Variants in CAMSAP2 observed in about 807,000 individuals in gnomAD.
The protein encoded by CAMSAP2 is calmodulin-regulated spectrin-associated protein 2.
Under a neutral mutation model 146.1 loss-of-function variants are expected in CAMSAP2, and 26 were observed. That is an observed-to-expected ratio of 0.18 (90% CI 0.13 to 0.25). The LOEUF (loss-of-function observed/expected upper bound fraction) is 0.25, where lower values mean the gene tolerates loss of function less well. Ranked by LOEUF, CAMSAP2 falls within the 10% of genes least tolerant of loss-of-function variation. CAMSAP2 has a pLI of 1.00. For synonymous variants in CAMSAP2, 499 were observed against 596.6 expected (o/e 0.84, Z 2.38); for missense variants, 1,381 against 1,759.3 (o/e 0.78, Z 3.85).
intron 6 of CAMSAP2, among the ~76,000 whole-genome samples, chr1:200,837,834 A>C (rs907426405): frequency 6.6e-6 from 1 of 152,000 alleles, no homozygotes; most frequent in African/African-American, 2.4e-5. Context: ...TTTTTGTGCC[A>C]GTTGTGAATG....
intron 2 of CAMSAP2, among the ~76,000 whole-genome samples, chr1:200,803,488 A>G (rs558170934): frequency 6.6e-6 from 1 of 152,192 alleles, no homozygotes; most frequent in Non-Finnish European, 1.5e-5. Flanking sequence ...TGGAGCTATC[A>G]TAGCTCCAAA....
intron 2 of CAMSAP2, among the ~76,000 whole-genome samples, chr1:200,762,527 A>C (rs1004244527): frequency 7.2e-5 from 11 of 152,190 alleles, no homozygotes; most frequent in African/African-American, 2.7e-4. Flanking sequence ...TGGACACTCC[A>C]GCTTGTGATT....
chr1:200,772,436 C>A (rs1040653241), intron 2 of CAMSAP2, among the ~76,000 whole-genome samples: 3 of 152,070 alleles, frequency 2.0e-5, no homozygotes, highest in East Asian at 1.9e-4. Flanking sequence ...TGGCGAAACC[C>A]CGTCTTTACT....
chr1:200,839,033 A>T (rs1271091014), intron 6 of CAMSAP2, among the ~76,000 whole-genome samples: 1 of 152,210 alleles, frequency 6.6e-6, no homozygotes, highest in Non-Finnish European at 1.5e-5. Context: ...AATTTTGGAC[A>T]TAGGCCTTTG....
At chr1:200,787,954 G>GT (rs1665640264) in intron 2 of CAMSAP2, among the ~76,000 whole-genome samples, 1 of 152,092 alleles carries the variant, frequency 6.6e-6, no homozygotes, top group Non-Finnish European at 1.5e-5. Context: ...AGGTACATTG[G>GT]TTTTTTAGAC....
intron 2 of CAMSAP2, among the ~76,000 whole-genome samples, chr1:200,770,337 C>G (rs114203300): frequency 0.015 from 2,215 of 152,246 alleles, 34 homozygotes; most frequent in Non-Finnish European, 0.023. Context: ...TTTAAACTTG[C>G]ATCTGCTGAT....
Position 200,850,054 on chromosome 1 carries a change from A to T in CAMSAP2, c.3285A>T (p.Glu1095Asp), listed in dbSNP as rs140662328. ...AGGACCAATTGAATCAACCCACAGAACCCCCTCCTAAACCCGTTTTCCCAC... is the reference window on the plus strand; with the variant it reads ...AGGACCAATTGAATCAACCCACAGATCCCCCTCCTAAACCCGTTTTCCCAC... ...PNEDQLNQPT[E>D]PPPKPVFPPT... Residue 1095 changes from glutamate to aspartate, a missense_variant, in exon 11 of 17, where the codon GAA becomes GAT. By Grantham distance (45) the Glu-to-Asp change is conservative (BLOSUM62 2). Around this residue, in one of 4 missense-constraint regions of CAMSAP2, gnomAD observed 560 missense variants for 715.9 expected, o/e 0.78. Transcript: ENST00000358823. 17 of 1,610,996 alleles carry T rather than the reference A, an allele frequency of 1.1e-5. No homozygotes were observed. Among genetic ancestry groups the T allele is most frequent in the Admixed American group, 3.4e-5 (2 of 59,412 alleles).
chr1:200,756,693 A>G (rs1664665312), intron 1 of CAMSAP2, among the ~76,000 whole-genome samples: 1 of 152,168 alleles, frequency 6.6e-6, no homozygotes, highest in South Asian at 2.1e-4. Context: ...ACAAGGAGTA[A>G]ATAATGATTA....
At chr1:200,774,026 A>AATAC (rs1277403992) in intron 2 of CAMSAP2, among the ~76,000 whole-genome samples, 2 of 152,224 alleles carry the variant, frequency 1.3e-5, no homozygotes, top group African/African-American at 4.8e-5. Flanking sequence ...TGATTTGCAG[A>AATAC]ATACAGTATA....
At chr1:200,804,420 G>T (rs1328304961) in intron 2 of CAMSAP2, among the ~76,000 whole-genome samples, 1 of 151,780 alleles carries the variant, frequency 6.6e-6, no homozygotes, top group Non-Finnish European at 1.5e-5. Context: ...TCTTTCTGTT[G>T]TATAATATTA....
At chr1:200,811,562 C>A (rs187642530) in intron 3 of CAMSAP2, among the ~76,000 whole-genome samples, 100 of 152,238 alleles carry the variant, frequency 6.6e-4, no homozygotes, top group Non-Finnish European at 1.1e-3. Flanking sequence ...TGAATTCTTT[C>A]TTGCTTCTAC....
At chr1:200,794,209 CTAAGA>C (rs1296377434) in intron 2 of CAMSAP2, among the ~76,000 whole-genome samples, 12 of 152,124 alleles carry the variant, frequency 7.9e-5, no homozygotes, top group Admixed American at 2.0e-4. Context: ...AGTTTAAAAA[CTAAGA>C]TAAGATAAAC....
At chr1:200,819,352 T>A (rs1432882345) in intron 4 of CAMSAP2, among the ~76,000 whole-genome samples, 1 of 152,234 alleles carries the variant, frequency 6.6e-6, no homozygotes, top group Non-Finnish European at 1.5e-5. Context: ...TAAATTTGAA[T>A]GCCAGAGAAA....
intron 1 of CAMSAP2, among the ~76,000 whole-genome samples, chr1:200,760,138 G>A (rs1218723909): frequency 1.3e-5 from 2 of 152,138 alleles, no homozygotes; most frequent in Admixed American, 1.3e-4. Flanking sequence ...TACTACTTAT[G>A]TTTTAGTCGA....
chr1:200,785,727 G>A (rs557638153), intron 2 of CAMSAP2, among the ~76,000 whole-genome samples: 59 of 148,622 alleles, frequency 4.0e-4, no homozygotes, highest in South Asian at 3.2e-3. Context: ...TTGCTCCGTT[G>A]TCCAGGCTGG....
chr1:200,773,844 C>T (rs1051467896), intron 2 of CAMSAP2, among the ~76,000 whole-genome samples: 31 of 150,926 alleles, frequency 2.1e-4, no homozygotes, highest in African/African-American at 6.8e-4. Flanking sequence ...CATGATTGTG[C>T]CACTGCACTT....
intron 2 of CAMSAP2, among the ~76,000 whole-genome samples, chr1:200,798,728 G>A: frequency 1.4e-5 from 2 of 140,260 alleles, no homozygotes; most frequent in African/African-American, 5.4e-5. Context: ...GTGAGAGAGG[G>A]CATCCCTGTC....
At position 200,858,992 on chromosome 1, in the gene CAMSAP2, A is replaced by G. The variant is rs1667815670; in HGVS notation, c.*933A>G. 6.6e-6 allele frequency: 1 copy of G among 152,436 alleles called. No individual in the cohort carries two copies. Among genetic ancestry groups the G allele is most frequent in the Non-Finnish European group, 1.5e-5 (1 of 67,930 alleles). The allele number at this position is 152,436 out of a possible 1,614,324, so 9.4% of individuals were successfully genotyped here. A position where few individuals can be genotyped will look rare whatever the true frequency, so the allele number is the denominator to read the frequency against. ...AAACAAGTTCTCAAGAAGTCTTTACATTATATTTATAACTCATATAAAAAT... is the reference window on the plus strand; with the variant it reads ...AAACAAGTTCTCAAGAAGTCTTTACGTTATATTTATAACTCATATAAAAAT... On this transcript the variant is annotated 3_prime_UTR_variant, in exon 17 of 17. Coordinates refer to ENST00000358823, the MANE Select transcript of CAMSAP2 (RefSeq NM_203459.4).
At chr1:200,794,025 A>G (rs1215197174) in intron 2 of CAMSAP2, among the ~76,000 whole-genome samples, 2 of 152,202 alleles carry the variant, frequency 1.3e-5, no homozygotes, top group Non-Finnish European at 2.9e-5. Context: ...TTGTAAACAT[A>G]GTTTTCTGGG....
Sources: allele counts gnomAD v4.1 joint callset (sites outside exome capture counted in the v4.1 genomes callset), GRCh38; gene constraint gnomAD v4.1.1; regional missense constraint gnomAD v4.1.1; transcripts MANE v1.5; gene names NCBI Gene and HGNC (gene_info 2026-07-23, HGNC 2026-07-21).